BTD: variants seen among roughly 807,000 people sequenced by gnomAD.
BTD encodes biotinidase.
BTD carries 13 observed loss-of-function variants against 17.7 expected under a neutral mutation model. The observed-to-expected ratio is 0.74, with a 90% CI of 0.48 to 1.17. BTD has a LOEUF of 1.17. BTD is among the 50% of genes most tolerant of loss of function. BTD has a pLI of 0.00. For missense variants in BTD, 674 were observed against 650.4 expected (o/e 1.04, Z -0.39); for synonymous variants, 240 against 245.2 (o/e 0.98, Z 0.20).
At chr3:15,621,849 C>G (rs2064958949) in intron 1 of BTD, among the ~76,000 whole-genome samples, 1 of 152,206 alleles carries the variant, frequency 6.6e-6, no homozygotes, top group Non-Finnish European at 1.5e-5. Context: ...ATCCACCTGT[C>G]TCAGCCTCCC....
chr3:15,647,288 G>A lies in BTD; in HGVS notation c.*1800G>A, dbSNP rs554498507. ...TCTGCTTCCCTGCCTCAAACCCCAG[G>A]GAGACAGAAATTACCTAAAAATGCA... On this transcript the variant is annotated 3_prime_UTR_variant, in exon 4 of 4. Coordinates refer to ENST00000643237, the MANE Select transcript of BTD (RefSeq NM_001370658.1). 6.6e-6 allele frequency: 1 copy of A among 152,364 alleles called. No homozygotes were observed. The highest frequency in any genetic ancestry group is 2.4e-5 in the African/African-American group (1 of 41,572). 9.4% of individuals were successfully genotyped at this position (152,364 alleles called of 1,614,324 possible).
exon 5 of BTD, among the ~76,000 whole-genome samples, chr3:15,721,981 A>G (rs1406247122): frequency 6.6e-6 from 1 of 152,058 alleles, no homozygotes; most frequent in Non-Finnish European, 1.5e-5. Flanking sequence ...TTGACCTCAA[A>G]TGATCCACCG....
In BTD at chr3:15,641,975, A is replaced by G; in HGVS notation, c.317A>G (p.Tyr106Cys). 3 of 1,614,136 alleles carry G rather than the reference A, an allele frequency of 1.9e-6. No individual in the cohort carries two copies. The highest frequency in any genetic ancestry group is 2.5e-6 in the Non-Finnish European group (3 of 1,180,024). Residue 106 changes from tyrosine to cysteine, a missense_variant, in exon 3 of 4, where the codon TAT (tyrosine) becomes TGT (cysteine). By Grantham distance (194) the Tyr-to-Cys change is radical (BLOSUM62 -2). Transcript: ENST00000643237. ...HGFNFTRTSI[Y>C]PFLDFMPSPQ... ...TTCAACTTTACAAGAACATCCATTT[A>G]TCCATTTTTGGACTTCATGCCGTCT... is the stretch of plus-strand genomic sequence containing the variant.
intron 3 of BTD, chr3:15,675,981 T>C (rs1165146364): frequency 6.2e-7 from 1 of 1,612,388 alleles, no homozygotes; most frequent in Admixed American, 1.7e-5. Context: ...GGCAGCAACA[T>C]GCAGAGGTCT....
At chr3:15,620,238 G>C (rs1237042589) in intron 1 of BTD, among the ~76,000 whole-genome samples, 1 of 152,176 alleles carries the variant, frequency 6.6e-6, no homozygotes, top group East Asian at 1.9e-4. Flanking sequence ...GCAAGCCTGA[G>C]GGTTCTGCAG....
At chr3:15,712,906 A>G (rs1363205107), downstream of BTD, among the ~76,000 whole-genome samples, 1 of 152,340 alleles carries the variant, frequency 6.6e-6, no homozygotes, top group African/African-American at 2.4e-5. Context: ...ACCATTACAG[A>G]AAGTAAAAAA....
chr3:15,670,734 GA>G (rs2066252724), intron 3 of BTD, among the ~76,000 whole-genome samples: 3 of 152,180 alleles, frequency 2.0e-5, no homozygotes. Flanking sequence ...AATAGCCATA[GA>G]AACCTAGGGT....
At chr3:15,630,752 T>C (rs979098348) in intron 1 of BTD, among the ~76,000 whole-genome samples, 13 of 152,214 alleles carry the variant, frequency 8.5e-5, no homozygotes, top group African/African-American at 3.1e-4. Context: ...TGATAACTTA[T>C]TCACAGTTGC....
chr3:15,682,820 C>T (rs1365942400), intron 3 of BTD, among the ~76,000 whole-genome samples: 1 of 152,188 alleles, frequency 6.6e-6, no homozygotes, highest in Non-Finnish European at 1.5e-5. Flanking sequence ...TAATTTTAGG[C>T]TGTCTATATA....
intron 1 of BTD, among the ~76,000 whole-genome samples, chr3:15,620,195 C>T (rs190340633): frequency 1.3e-5 from 2 of 152,180 alleles, no homozygotes; most frequent in Non-Finnish European, 2.9e-5. Flanking sequence ...AGTCTGACCA[C>T]GGATTTACCA....
At chr3:15,611,661 C>G (rs1269448880) in intron 1 of BTD, among the ~76,000 whole-genome samples, 1 of 150,718 alleles carries the variant, frequency 6.6e-6, no homozygotes, top group Non-Finnish European at 1.5e-5. Context: ...TTTTTCAGTC[C>G]CAGCTACTCT....
chr3:15,619,219 G>A lies in BTD; in HGVS notation c.-16-16205G>A, dbSNP rs118140472. ...AAGTTGAGCAAGTTCCCCTCTATTC[G>A]TAGTTTACTGAGAGTTATTATCATT... On this transcript the variant is annotated intron_variant, in intron 1 of 3. Transcript: ENST00000643237. 4.1e-4 allele frequency among the ~76,000 whole-genome samples: 63 copies of A among 152,264 alleles called. No individual in the cohort carries two copies. In the East Asian group the frequency reaches 9.3e-3, roughly 22 times the overall value.
chr3:15,620,000 A>G (rs1392919717), intron 1 of BTD, among the ~76,000 whole-genome samples: 1 of 152,206 alleles, frequency 6.6e-6, no homozygotes, highest in African/African-American at 2.4e-5. Context: ...GGGTCTAACA[A>G]AGATCACATG....
chr3:15,678,421 T>C lies in BTD; in HGVS notation c.400-31639T>C, dbSNP rs141022482. The C allele has an allele frequency of 4.7e-3, 6,909 of 1,459,198 alleles. 32 individuals are homozygous for C. The highest frequency in any genetic ancestry group is 9.0e-3 in the Middle Eastern group (50 of 5,550). The allele number at this position is 1,459,198 out of a possible 1,614,324, so 90.4% of individuals were successfully genotyped here. On this transcript the variant is annotated intron_variant, in intron 3 of 3. Transcript: ENST00000672141. ...GTTATATATGCTGGAAAAATATTCT[T>C]TAATTTGTGACATGCTGTTTTTAAG...
At chr3:15,667,449 A>T (rs1444250775) in intron 3 of BTD, 2 of 152,222 alleles carry the variant, frequency 1.3e-5, no homozygotes, top group East Asian at 3.8e-4. Context: ...GATATTTCAG[A>T]TGTCATCTTT....
chr3:15,627,689 A>G (rs956164546), intron 1 of BTD, among the ~76,000 whole-genome samples: 1 of 152,054 alleles, frequency 6.6e-6, no homozygotes, highest in African/African-American at 2.4e-5. Flanking sequence ...CAGTGTTTCT[A>G]GCCTATCCTA....
rs1345468312 is a variant in BTD at position 15,646,727 on chromosome 3, T to A, written c.*1239T>A. The stretch of plus-strand genomic sequence containing the variant: ...GATTTGCCTCTTAAATGTGGCCATT[T>A]AGTTTGAACTCCTTTTTAGTTATTT... On this transcript the variant is annotated 3_prime_UTR_variant, in exon 4 of 4. Coordinates refer to ENST00000643237, the MANE Select transcript of BTD (RefSeq NM_001370658.1). 1 of 152,268 alleles carries A rather than the reference T, an allele frequency of 6.6e-6. No homozygotes were observed. Among genetic ancestry groups the A allele is most frequent in the East Asian group, 1.9e-4 (1 of 5,206 alleles). The allele number at this position is 152,268 out of a possible 1,614,324, so 9.4% of individuals were successfully genotyped here.
At chr3:15,620,855 T>C (rs1574991413) in intron 1 of BTD, among the ~76,000 whole-genome samples, 1 of 152,318 alleles carries the variant, frequency 6.6e-6, no homozygotes, top group African/African-American at 2.4e-5. Flanking sequence ...AAGAGATTTA[T>C]TAGAGGAATT....
chr3:15,640,782 A>G (rs887450890), intron 2 of BTD, among the ~76,000 whole-genome samples: 10 of 152,224 alleles, frequency 6.6e-5, no homozygotes, highest in Non-Finnish European at 1.2e-4. Flanking sequence ...ATGTATACAG[A>G]GAGAAAAAGT....
Sources: gnomAD v4.1 joint callset for allele counts (sites outside exome capture counted in the v4.1 genomes callset) on GRCh38, gnomAD v4.1.1 for gene constraint, MANE v1.5 for transcripts, NCBI Gene and HGNC (gene_info 2026-07-23, HGNC 2026-07-21) for gene names.